Variants in TCIRG1 observed in about 807,000 individuals in gnomAD.
TCIRG1 encodes V-type proton ATPase 116 kDa subunit a 3.
In TCIRG1, 86 loss-of-function variants were observed where a neutral mutation model predicts 95.5. The ratio of observed to expected loss-of-function variants is 0.90; its 90% CI spans 0.76 to 1.08. The LOEUF (loss-of-function observed/expected upper bound fraction) is 1.08, where lower values mean the gene tolerates loss of function less well. Among genes scored for constraint, TCIRG1 ranks in the 50% least tolerant of loss-of-function variants. TCIRG1 has a pLI of 0.00. For synonymous variants in TCIRG1, 499 were observed against 501.3 expected (o/e 1.00, Z 0.06); for missense variants, 1,069 against 1,140.2 (o/e 0.94, Z 0.90).
At chr11:68,042,048 G>A (rs1045010934) in intron 3 of TCIRG1, among the ~76,000 whole-genome samples, 2 of 152,220 alleles carry the variant, frequency 1.3e-5, no homozygotes, top group African/African-American at 2.4e-5. Flanking sequence ...CTAGGGCAGG[G>A]CTGGCTGGGG....
chr11:68,044,963 G>A lies in TCIRG1; in HGVS notation c.1026G>A (p.Glu342=), dbSNP rs781420726. 3 of 1,607,858 alleles carry A rather than the reference G, an allele frequency of 1.9e-6. No homozygotes were observed. The highest frequency in any genetic ancestry group is 3.3e-5 in the Admixed American group (2 of 60,030). The change falls in exon 10 of 20, where the codon GAG becomes GAA. Residue 342 remains glutamate (E), a synonymous_variant. Coordinates refer to ENST00000265686, the MANE Select transcript of TCIRG1 (RefSeq NM_006019.4). ...LQEALRDSSM[E]EGVSAVAHRI... is the part of the protein sequence containing the mutation. ...GTCTCTGCCCTGGCACCCAGATGGA[G>A]GAGGGAGTGAGTGCCGTGGCTCACC...
At chr11:68,048,064 C>A in intron 13 of TCIRG1, 92 bp downstream of exon 13, 2 of 1,114,822 alleles carry the variant, frequency 1.8e-6, no homozygotes, top group Non-Finnish European at 2.7e-6. Context: ...GCAGCGCTGT[C>A]GCTGAGCACT....
Position 68,049,309 on chromosome 11 carries a change from G to T in TCIRG1, c.1887+15G>T. 6.2e-7 allele frequency: 1 copy of T among 1,601,252 alleles called. No individual in the cohort carries two copies. Among genetic ancestry groups the T allele is most frequent in the Non-Finnish European group, 8.5e-7 (1 of 1,174,278 alleles). ...ACCCCCGGCAGGTGGGCTGCGGCTG[G>T]TGGGGGCCGGGCTCACACGGCCTCA... On this transcript the variant is annotated intron_variant, in intron 15 of 19. Coordinates refer to ENST00000265686, the MANE Select transcript of TCIRG1 (RefSeq NM_006019.4).
downstream of TCIRG1, chr11:68,053,687 G>A: frequency 3.0e-6 from 1 of 336,682 alleles, no homozygotes; most frequent in Non-Finnish European, 5.5e-6. Flanking sequence ...TCATCTGACT[G>A]GAAACCTTAG....
At chr11:68,047,840 C>T in intron 12 of TCIRG1, 36 bp downstream of exon 12, 1 of 1,612,734 alleles carries the variant, frequency 6.2e-7, no homozygotes, top group South Asian at 1.1e-5. Context: ...GGGGGCCCCG[C>T]AGCACCCGCA....
downstream of TCIRG1, chr11:68,052,477 C>T (rs538110471): frequency 4.1e-4 from 62 of 152,340 alleles, no homozygotes; most frequent in Admixed American, 1.3e-3. Flanking sequence ...TGTGCAGGAG[C>T]GCAACACCTT....
chr11:68,053,303 G>C (rs1190856073), downstream of TCIRG1: 6 of 152,378 alleles, frequency 3.9e-5, no homozygotes, highest in Admixed American at 3.9e-4. Context: ...AGGAGGAAGG[G>C]CAGGGGAGAA....
At position 68,045,000 on chromosome 11, in the gene TCIRG1, C is replaced by T. The variant is rs573229725; in HGVS notation, c.1063C>T (p.Arg355Trp). The change falls in exon 10 of 20, where the codon CGG (arginine) becomes TGG (tryptophan). Residue 355 changes from arginine (R) to tryptophan (W), a missense_variant. By Grantham distance (101) the Arg-to-Trp change is moderately radical. Coordinates refer to ENST00000265686, the MANE Select transcript of TCIRG1 (RefSeq NM_006019.4). ...VSAVAHRIPC[R>W]DMPPTLIRTN... ...TGCCGTGGCTCACCGCATCCCCTGC[C>T]GGGACATGCCCCCCACACTCATCCG... 10 of 1,608,834 alleles carry T rather than the reference C, an allele frequency of 6.2e-6. No individual in the cohort carries two copies. The Admixed American group carries it at 1.2e-4, about 19-fold the overall frequency.
intron 5 of TCIRG1, 96 bp downstream of exon 5, chr11:68,043,127 TG>T (rs1420857471): frequency 4.5e-6 from 7 of 1,543,568 alleles, no homozygotes; most frequent in Non-Finnish European, 6.1e-6. Flanking sequence ...CCTTGTCCAG[TG>T]CTCTCCCCAG....
Position 68,049,164 on chromosome 11 carries a change from TC to T in TCIRG1, c.1759del (p.Leu587Ter), listed in dbSNP as rs766178412. On this transcript the variant is annotated frameshift_variant, in exon 15 of 20. Coordinates refer to ENST00000265686, the MANE Select transcript of TCIRG1 (RefSeq NM_006019.4). LOFTEE classifies it high-confidence loss of function. ...CTGGGACTCTTCGGTTACCTCGTGTTCCTAGTCATCTACAAGTGGCTGTGTG... is the reference window on the plus strand; with the variant it reads ...CTGGGACTCTTCGGTTACCTCGTGTTCTAGTCATCTACAAGTGGCTGTGTG... ...FLLGLFGYLV[F>X]LVIYKWLCVW... is the part of the protein sequence containing the mutation. 1 of 1,613,988 alleles carries T rather than the reference TC, an allele frequency of 6.2e-7. No homozygotes were observed. Among genetic ancestry groups the T allele is most frequent in the South Asian group, 1.1e-5 (1 of 91,088 alleles).
chr11:68,045,741 T>TG (rs1425896580), intron 10 of TCIRG1, among the ~76,000 whole-genome samples: 2 of 152,252 alleles, frequency 1.3e-5, no homozygotes, highest in South Asian at 2.1e-4. Context: ...TTAGTAGAGA[T>TG]GGGGTTTCAC....
intron 15 of TCIRG1, 167 bp from the exon 16 acceptor site, chr11:68,049,496 G>C (rs994761571): frequency 2.8e-6 from 3 of 1,074,908 alleles, no homozygotes; most frequent in Non-Finnish European, 4.0e-6. Flanking sequence ...CCTTCCCTCA[G>C]GAGTCCTTAT....
chr11:68,042,049 C>G (rs1335766361), intron 3 of TCIRG1, among the ~76,000 whole-genome samples: 1 of 152,194 alleles, frequency 6.6e-6, no homozygotes, highest in Non-Finnish European at 1.5e-5. Flanking sequence ...TAGGGCAGGG[C>G]TGGCTGGGGA....
chr11:68,050,180 T>C lies in TCIRG1; in HGVS notation c.2162T>C (p.Ile721Thr), dbSNP rs150260808. 1.9e-6 allele frequency: 3 copies of C among 1,613,540 alleles called. No individual in the cohort carries two copies. Among genetic ancestry groups the C allele is most frequent in the Middle Eastern group, 1.6e-4 (1 of 6,084 alleles). Residue 721 changes from isoleucine to threonine, a missense_variant, in exon 18 of 20, where the codon ATC (isoleucine) becomes ACC (threonine). Physicochemically the swap from Ile to Thr is moderately conservative, Grantham distance 89 (BLOSUM62 -1). Transcript: ENST00000265686. Reference sequence around the variant, plus strand: ...CTCATGCACCAGGCCATCCACACCATCGAGTTCTGCCTGGGCTGCGTCTCC... The same window carrying C: ...CTCATGCACCAGGCCATCCACACCACCGAGTTCTGCCTGGGCTGCGTCTCC... ...EVLMHQAIHTIEFCLGCVSNT... is the reference protein window; with the variant it reads ...EVLMHQAIHTTEFCLGCVSNT...
At position 68,050,667 on chromosome 11, in the gene TCIRG1, GAGC is replaced by G; in HGVS notation, c.2414+4_2414+6del. 6.2e-7 allele frequency: 1 copy of G among 1,613,402 alleles called. No homozygotes were observed. The highest frequency in any genetic ancestry group is 2.2e-5 in the East Asian group (1 of 44,858). The stretch of plus-strand genomic sequence containing the variant: ...CTGCACGCCCTGCGGCTGCACTGGT[GAGC>G]GACCACCCACTGGCCTGGGCTGCTC... On this transcript the variant is annotated splice_donor_5th_base_variant and intron_variant, in intron 19 of 19. Coordinates refer to ENST00000265686, the MANE Select transcript of TCIRG1 (RefSeq NM_006019.4).
intron 6 of TCIRG1, 24 bp downstream of exon 6, chr11:68,043,521 G>T: frequency 6.3e-7 from 1 of 1,583,562 alleles, no homozygotes. Flanking sequence ...GCTGGGCTGG[G>T]GGGTCCTGGG....
chr11:68,044,333 C>T lies in TCIRG1; in HGVS notation c.1009C>T (p.Arg337Trp), dbSNP rs766765320. 2.3e-5 allele frequency: 37 copies of T among 1,583,846 alleles called. No individual in the cohort carries two copies. Among genetic ancestry groups the T allele is most frequent in the Middle Eastern group, 2.0e-4 (1 of 5,040 alleles). ...RDLPALQEAL[R>W]DSSMEEGVSA... ...CCTGCCCGCCCTGCAGGAGGCCCTG[C>T]GGGACAGCTCGGTGAGCAGCCTGAG... Residue 337 changes from arginine (R) to tryptophan (W), a missense_variant, in exon 9 of 20, where the codon CGG becomes TGG. Coordinates refer to ENST00000265686, the MANE Select transcript of TCIRG1 (RefSeq NM_006019.4).
At chr11:68,047,042 G>A (rs541780084) in intron 10 of TCIRG1, 26 of 372,206 alleles carry the variant, frequency 7.0e-5, no homozygotes, top group African/African-American at 3.3e-4. Flanking sequence ...CAGAATCTTC[G>A]CTCTGTCGCG....
Position 68,049,705 on chromosome 11 carries a change from G to T in TCIRG1, c.1930G>T (p.Val644Leu). 3 of 1,597,854 alleles carry T rather than the reference G, an allele frequency of 1.9e-6. No individual in the cohort carries two copies. In the South Asian group the frequency reaches 3.3e-5, roughly 18 times the overall value. ...GCTGGTGGTCCTGGCCTTGGCCATGGTGCCCATCCTGCTGCTTGGCACACC... is the reference window on the plus strand; with the variant it reads ...GCTGGTGGTCCTGGCCTTGGCCATGTTGCCCATCCTGCTGCTTGGCACACC... The part of the protein sequence containing the change: ...ATLVVLALAM[V>L]PILLLGTPLH... Residue 644 changes from valine to leucine, a missense_variant, in exon 16 of 20, where the codon GTG (valine) becomes TTG (leucine). Val to Leu is a conservative substitution (Grantham distance 32). Coordinates refer to ENST00000265686, the MANE Select transcript of TCIRG1 (RefSeq NM_006019.4).
Sources: allele counts gnomAD v4.1 joint callset (sites outside exome capture counted in the v4.1 genomes callset), GRCh38; gene constraint gnomAD v4.1.1; transcripts MANE v1.5; gene names NCBI Gene and HGNC (gene_info 2026-07-23, HGNC 2026-07-21).